The following ULK4 variants were observed in gnomAD, a reference collection of about 807,000 sequenced individuals.
ULK4 encodes inactive serine/threonine-protein kinase ULK4.
A neutral mutation model predicts 160.6 loss-of-function variants in ULK4; 133 were observed. The ratio of observed to expected loss-of-function variants is 0.83; its 90% CI spans 0.72 to 0.96. The LOEUF is 0.96. Among genes scored for constraint, ULK4 ranks in the 40% least tolerant of loss-of-function variants. The probability of loss-of-function intolerance (pLI) is 0.00; values close to 1 mark genes in which losing one functional copy is unlikely to be tolerated. For synonymous variants in ULK4, 534 were observed against 539.8 expected, an observed-to-expected ratio of 0.99 and a Z score of 0.15; for missense variants, 1,580 against 1,499.5, an observed-to-expected ratio of 1.05 and a Z score of -0.89.
chr3:41,359,725 CTTTTA>C (rs960071411), intron 35 of ULK4, among the ~76,000 whole-genome samples: 2 of 152,046 alleles, frequency 1.3e-5, no homozygotes, highest in Admixed American at 6.6e-5. Context: ...TCTGGAGAGG[CTTTTA>C]TTTTCTTTTT....
chr3:41,831,019 TATTTA>T (rs1208772664), intron 18 of ULK4, among the ~76,000 whole-genome samples: 1 of 151,428 alleles, frequency 6.6e-6, no homozygotes. Flanking sequence ...TTTTTTTATT[TATTTA>T]TTTATTTATT....
chr3:41,858,983 C>T (rs558366765), intron 17 of ULK4, among the ~76,000 whole-genome samples: 8 of 152,252 alleles, frequency 5.3e-5, no homozygotes, highest in African/African-American at 1.7e-4. Context: ...GCAGCAGTTT[C>T]TAAACACTTC....
At chr3:41,590,671 A>G (rs1433501382) in intron 31 of ULK4, among the ~76,000 whole-genome samples, 2 of 151,642 alleles carry the variant, frequency 1.3e-5, no homozygotes, top group African/African-American at 4.8e-5. Flanking sequence ...AATACATCTT[A>G]AATAACAATT....
intron 1 of ULK4, among the ~76,000 whole-genome samples, chr3:41,959,368 A>AG (rs922451661): frequency 2.0e-5 from 3 of 151,058 alleles, no homozygotes; most frequent in African/African-American, 7.3e-5. Flanking sequence ...CATCTCAAAA[A>AG]AAAAAAAAAT....
intron 31 of ULK4, among the ~76,000 whole-genome samples, chr3:41,574,528 CCTCTTTT>C (rs1256799211): frequency 1.5e-4 from 16 of 106,338 alleles, no homozygotes; most frequent in South Asian, 3.5e-4. Context: ...CTACCAGAGT[CCTCTTTT>C]TTTTTTTTTT....
intron 5 of ULK4, among the ~76,000 whole-genome samples, chr3:41,920,644 G>A (rs532047052): frequency 3.1e-4 from 47 of 152,112 alleles, no homozygotes; most frequent in African/African-American, 1.1e-3. Context: ...TCTAACTCCC[G>A]CCTCCCAATG....
intron 5 of ULK4, among the ~76,000 whole-genome samples, chr3:41,921,399 C>T (rs1218844166): frequency 6.6e-6 from 1 of 151,962 alleles, no homozygotes; most frequent in Non-Finnish European, 1.5e-5. Flanking sequence ...ATCACAAGGT[C>T]AGGAGATCGA....
intron 22 of ULK4, among the ~76,000 whole-genome samples, chr3:41,721,360 A>AT (rs1284559320): frequency 1.4e-3 from 70 of 51,484 alleles, no homozygotes; most frequent in African/African-American, 5.7e-3. Context: ...ATATATATAT[A>AT]TATTTTTTTT....
At chr3:41,903,544 G>A (rs1013700595) in intron 12 of ULK4, among the ~76,000 whole-genome samples, 17 of 150,154 alleles carry the variant, frequency 1.1e-4, no homozygotes, top group Admixed American at 3.3e-4. Flanking sequence ...AGATCACACC[G>A]CTGCACTCCA....
chr3:41,883,053 C>T (rs1372514122), intron 17 of ULK4, among the ~76,000 whole-genome samples: 1 of 152,060 alleles, frequency 6.6e-6, no homozygotes, highest in Non-Finnish European at 1.5e-5. Context: ...CAGCAGTTTG[C>T]AGGAAATAGA....
At chr3:41,416,884 G>C (rs1559584971) in intron 34 of ULK4, among the ~76,000 whole-genome samples, 2 of 152,134 alleles carry the variant, frequency 1.3e-5, no homozygotes, top group South Asian at 4.1e-4. Flanking sequence ...TTAGAATAAG[G>C]AATTAAAGCA....
chr3:41,802,275 G>C (rs964488097), intron 19 of ULK4, among the ~76,000 whole-genome samples: 8 of 152,070 alleles, frequency 5.3e-5, no homozygotes, highest in Non-Finnish European at 1.0e-4. Flanking sequence ...TAATTTTTGA[G>C]CCTATTTTAA....
In ULK4 at chr3:41,941,424, G is replaced by C. The variant is rs866662900; in HGVS notation, c.139-3227C>G. ...ACAAACAAATGAGCCCATATATGCA[G>C]AGCTCCCCATTTTAAAAATGAAACA... On this transcript the variant is annotated intron_variant, in intron 2 of 36. Transcript: ENST00000301831. Among the ~76,000 whole-genome samples, 7 of 147,752 alleles carry C rather than the reference G, an allele frequency of 4.7e-5. No homozygotes were observed. In the Middle Eastern group the frequency reaches 0.011, roughly 229 times the overall value.
chr3:41,769,738 A>C (rs925097384), intron 21 of ULK4, among the ~76,000 whole-genome samples: 15 of 152,344 alleles, frequency 9.8e-5, no homozygotes, highest in African/African-American at 3.4e-4. Flanking sequence ...TTCACTATCA[A>C]AATTAAGCAT....
intron 35 of ULK4, among the ~76,000 whole-genome samples, chr3:41,268,016 G>C (rs1000667836): frequency 3.3e-5 from 5 of 152,306 alleles, no homozygotes; most frequent in Admixed American, 3.3e-4. Flanking sequence ...TCAACTGGGG[G>C]TGATTTTGAC....
chr3:41,308,631 GAGA>G (rs1312157725), intron 35 of ULK4, among the ~76,000 whole-genome samples: 10 of 152,166 alleles, frequency 6.6e-5, no homozygotes, highest in Non-Finnish European at 1.0e-4. Context: ...TAGAGAAAGA[GAGA>G]TCAAGTAAGT....
At chr3:41,325,825 A>C (rs1339790887) in intron 35 of ULK4, among the ~76,000 whole-genome samples, 1 of 152,108 alleles carries the variant, frequency 6.6e-6, no homozygotes, top group East Asian at 1.9e-4. Flanking sequence ...AGGCTGAGGC[A>C]GGTGAATTGC....
At chr3:41,754,958 T>C (rs1480464935) in intron 21 of ULK4, among the ~76,000 whole-genome samples, 1 of 152,174 alleles carries the variant, frequency 6.6e-6, no homozygotes, top group African/African-American at 2.4e-5. Flanking sequence ...ATAAAGACAA[T>C]ACTCAATACA....
intron 31 of ULK4, among the ~76,000 whole-genome samples, chr3:41,603,598 CA>C (rs2032225523): frequency 6.6e-6 from 1 of 150,880 alleles, no homozygotes; most frequent in African/African-American, 2.4e-5. Flanking sequence ...CTTTTTTTTT[CA>C]GGCATCCATA....
Sources: allele counts gnomAD v4.1 joint callset (sites outside exome capture counted in the v4.1 genomes callset), GRCh38; gene constraint gnomAD v4.1.1; transcripts MANE v1.5; gene names NCBI Gene and HGNC (gene_info 2026-07-23, HGNC 2026-07-21).